Variants in C1orf185 observed in about 807,000 individuals in gnomAD.
C1orf185 encodes chromosome 1 open reading frame 185.
Under a neutral mutation model 16.1 loss-of-function variants are expected in C1orf185, and 13 were observed. That is an observed-to-expected ratio of 0.81 (90% CI 0.53 to 1.28). C1orf185 has a LOEUF of 1.28. Among genes scored for constraint, C1orf185 ranks in the 50% most tolerant of loss-of-function variants. The pLI is 0.00. For missense variants in C1orf185, 220 were observed against 225.2 expected (o/e 0.98, Z 0.15); for synonymous variants, 80 against 76.9 (o/e 1.04, Z -0.21).
chr1:51,125,887 G>A (rs1646236429), intron 3 of C1orf185, among the ~76,000 whole-genome samples: 1 of 152,186 alleles, frequency 6.6e-6, no homozygotes, highest in African/African-American at 2.4e-5. Context: ...GCTAGGTGCG[G>A]TGGCTCATAC....
downstream of C1orf185, among the ~76,000 whole-genome samples, chr1:51,148,696 G>A (rs1646416035): frequency 6.6e-6 from 1 of 152,174 alleles, no homozygotes; most frequent in African/African-American, 2.4e-5. Flanking sequence ...GGAGGCTGAG[G>A]TGGGCAGATT....
chr1:51,109,515 A>T (rs142970577), intron 1 of C1orf185, among the ~76,000 whole-genome samples: 26 of 150,576 alleles, frequency 1.7e-4, no homozygotes, highest in Non-Finnish European at 1.8e-4. Flanking sequence ...CATTTCCCCT[A>T]TTTTTTTTTC....
intron 1 of C1orf185, among the ~76,000 whole-genome samples, chr1:51,111,374 C>CTTTTTTTTTTTTTT (rs11414730): frequency 4.5e-5 from 6 of 133,960 alleles, no homozygotes; most frequent in African/African-American, 1.9e-4. Flanking sequence ...TTCTTTCTTT[C>CTTTTTTTTTTTTTT]TTTTTTTTTT....
At chr1:51,113,258 G>A (rs1332693078) in intron 2 of C1orf185, among the ~76,000 whole-genome samples, 1 of 152,040 alleles carries the variant, frequency 6.6e-6, no homozygotes. Flanking sequence ...GAAAAAAGCT[G>A]ACAGAATGCC....
chr1:51,111,697 T>G (rs185339710), intron 1 of C1orf185, among the ~76,000 whole-genome samples: 1 of 152,174 alleles, frequency 6.6e-6, no homozygotes, highest in Admixed American at 6.5e-5. Context: ...TTTCTGTATT[T>G]TTAGTAGAGA....
chr1:51,127,570 G>A (rs1317343245), intron 3 of C1orf185, among the ~76,000 whole-genome samples: 2 of 152,166 alleles, frequency 1.3e-5, no homozygotes, highest in Non-Finnish European at 2.9e-5. Flanking sequence ...ACAGGTGTGA[G>A]CCACTGCGCC....
At chr1:51,123,981 T>G (rs12086999) in intron 3 of C1orf185, among the ~76,000 whole-genome samples, 19,092 of 150,070 alleles carry the variant, frequency 0.13, 2,225 homozygotes, top group African/African-American at 0.31. Context: ...TATATATATA[T>G]AGAGAGAGAG....
chr1:51,108,425 A>AT (rs1386127497), intron 1 of C1orf185, among the ~76,000 whole-genome samples: 1 of 152,144 alleles, frequency 6.6e-6, no homozygotes, highest in East Asian at 1.9e-4. Flanking sequence ...TTGTCTTTGT[A>AT]TTTAGAACAT....
intron 2 of C1orf185, among the ~76,000 whole-genome samples, chr1:51,114,017 T>C (rs1483290498): frequency 6.6e-6 from 1 of 152,230 alleles, no homozygotes; most frequent in Non-Finnish European, 1.5e-5. Flanking sequence ...ATGTGTGTAC[T>C]AAGGTAGGTT....
chr1:51,124,227 G>A (rs113845789), intron 3 of C1orf185, among the ~76,000 whole-genome samples: 5,584 of 151,864 alleles, frequency 0.037, 290 homozygotes, highest in African/African-American at 0.11. Context: ...GACTACAGGC[G>A]CCCGCCACCA....
chr1:51,128,241 G>A (rs1469805744), intron 3 of C1orf185, among the ~76,000 whole-genome samples: 2 of 152,102 alleles, frequency 1.3e-5, no homozygotes, highest in Non-Finnish European at 2.9e-5. Flanking sequence ...GTCAAGGCTT[G>A]GGGAGACATA....
chr1:51,116,939 C>A (rs1253813648), intron 2 of C1orf185, among the ~76,000 whole-genome samples: 3 of 152,222 alleles, frequency 2.0e-5, no homozygotes, highest in Non-Finnish European at 2.9e-5. Flanking sequence ...TCCCTGACCT[C>A]TCTAACCAGG....
intron 1 of C1orf185, among the ~76,000 whole-genome samples, chr1:51,103,490 A>G (rs552791945): frequency 2.7e-5 from 4 of 148,886 alleles, no homozygotes; most frequent in African/African-American, 9.9e-5. Flanking sequence ...GTCTTGCTTT[A>G]TGGCCTGATA....
intron 3 of C1orf185, among the ~76,000 whole-genome samples, chr1:51,130,135 A>G (rs1322687367): frequency 6.6e-6 from 1 of 152,174 alleles, no homozygotes; most frequent in African/African-American, 2.4e-5. Flanking sequence ...AGGGCCACAA[A>G]CATTCATGTA....
chr1:51,112,832 T>G (rs1288133012), intron 2 of C1orf185, among the ~76,000 whole-genome samples: 2 of 151,840 alleles, frequency 1.3e-5, no homozygotes, highest in Admixed American at 1.3e-4. Context: ...TTTTTTTTCT[T>G]TTCTTGAGAC....
At chr1:51,115,077 G>C (rs6672270) in intron 2 of C1orf185, among the ~76,000 whole-genome samples, 6,221 of 152,096 alleles carry the variant, frequency 0.041, 451 homozygotes, top group African/African-American at 0.14. Context: ...GGGCGCAGTG[G>C]CTGACGTCTG....
rs149493490 is a variant in C1orf185, at chr1:51,134,338, G to T, written c.259-11386G>T. On this transcript the variant is annotated intron_variant, in intron 3 of 4. Transcript: ENST00000371759. Reference sequence around the variant, plus strand: ...CCAGAATTTCTGGGACATAGCTAAGGCAGTATTAAAAGAGAAACATATAGC... The same window carrying T: ...CCAGAATTTCTGGGACATAGCTAAGTCAGTATTAAAAGAGAAACATATAGC... 5.2e-3 allele frequency among the ~76,000 whole-genome samples: 796 copies of T among 152,150 alleles called. 5 individuals carry two copies. The highest frequency in any genetic ancestry group is 0.018 in the African/African-American group (736 of 41,496).
At chr1:51,139,028 T>C (rs1305380283) in intron 3 of C1orf185, among the ~76,000 whole-genome samples, 1 of 152,172 alleles carries the variant, frequency 6.6e-6, no homozygotes, top group East Asian at 1.9e-4. Flanking sequence ...TTTGATTTGC[T>C]AATATTTTAC....
At chr1:51,138,096 AATGGG>A (rs1646339421) in intron 3 of C1orf185, among the ~76,000 whole-genome samples, 1 of 152,130 alleles carries the variant, frequency 6.6e-6, no homozygotes, top group Non-Finnish European at 1.5e-5. Context: ...CAAAATAACT[AATGGG>A]TACTAGGCTT....
Sources: gnomAD v4.1 joint callset for allele counts (sites outside exome capture counted in the v4.1 genomes callset) on GRCh38, gnomAD v4.1.1 for gene constraint, MANE v1.5 for transcripts, NCBI Gene and HGNC (gene_info 2026-07-23, HGNC 2026-07-21) for gene names.